CAMTA1: variants seen among roughly 807,000 people sequenced by gnomAD.
The protein encoded by CAMTA1 is calmodulin binding transcription activator 1, also known as calmodulin-binding transcription activator 1.
A neutral mutation model predicts 170.9 loss-of-function variants in CAMTA1; 27 were observed. The observed-to-expected ratio is 0.16, with a 90% CI of 0.12 to 0.22. The LOEUF is 0.22. CAMTA1 is among the 10% of genes least tolerant of loss of function. The pLI is 1.00. For synonymous variants in CAMTA1, 833 were observed against 891.5 expected, an observed-to-expected ratio of 0.93 and a Z score of 1.17; for missense variants, 1,619 against 2,217.2, an observed-to-expected ratio of 0.73 and a Z score of 5.42.
chr1:7,360,058 C>G (rs7547627), intron 5 of CAMTA1, among the ~76,000 whole-genome samples: 25,381 of 152,066 alleles, frequency 0.17, 2,874 homozygotes, highest in East Asian at 0.55. Context: ...ATCACCTTGT[C>G]CTCTGCCTTC....
At chr1:7,544,380 A>G (rs1464649562) in intron 6 of CAMTA1, among the ~76,000 whole-genome samples, 1 of 152,192 alleles carries the variant, frequency 6.6e-6, no homozygotes, top group Non-Finnish European at 1.5e-5. Context: ...ACAATTCAAG[A>G]TGAGATTTGG....
intron 3 of CAMTA1, among the ~76,000 whole-genome samples, chr1:7,000,827 G>C (rs1379041759): frequency 2.6e-5 from 4 of 152,160 alleles, no homozygotes; most frequent in Non-Finnish European, 5.9e-5. Flanking sequence ...TTGTTTCAGA[G>C]AGAGAGACTT....
chr1:7,205,979 T>C (rs996549768), intron 4 of CAMTA1, among the ~76,000 whole-genome samples: 3 of 152,244 alleles, frequency 2.0e-5, no homozygotes, highest in African/African-American at 7.2e-5. Context: ...TTTTCTCCAG[T>C]AATTTTAGAG....
In CAMTA1 at chr1:7,065,411, A is replaced by G. The variant is rs555404189; in HGVS notation, c.235-25893A>G. ...TGGCCAGCGGGAAGTTTTGTAGTGA[A>G]TATAGAGGAGACGAAAAAGAATGGG... On this transcript the variant is annotated intron_variant, in intron 3 of 22. Coordinates refer to ENST00000303635, the MANE Select transcript of CAMTA1 (RefSeq NM_015215.4). The surrounding 1 kb of genome is among the most constrained non-coding windows in gnomAD (Gnocchi z 5.2). Among the ~76,000 whole-genome samples, 1 of 152,268 alleles carries G rather than the reference A, an allele frequency of 6.6e-6. No homozygotes were observed. The highest frequency in any genetic ancestry group is 2.4e-5 in the African/African-American group (1 of 41,548).
At chr1:7,468,678 C>T (rs181089900) in intron 6 of CAMTA1, among the ~76,000 whole-genome samples, 2 of 152,348 alleles carry the variant, frequency 1.3e-5, no homozygotes, top group Admixed American at 6.5e-5. Flanking sequence ...ACCCATTCCC[C>T]ATGGCCTGCC....
chr1:6,931,549 TC>T (rs1284396687), intron 3 of CAMTA1, among the ~76,000 whole-genome samples: 2 of 152,190 alleles, frequency 1.3e-5, no homozygotes, highest in African/African-American at 4.8e-5. Flanking sequence ...TCCTTCTGCT[TC>T]CTTGTTGATC....
chr1:7,518,177 T>C (rs2149944194), intron 6 of CAMTA1, among the ~76,000 whole-genome samples: 1 of 152,058 alleles, frequency 6.6e-6, no homozygotes, highest in East Asian at 1.9e-4. Context: ...TCAGCAACTC[T>C]CAGGCTGCTT....
intron 6 of CAMTA1, among the ~76,000 whole-genome samples, chr1:7,479,895 A>G (rs897959462): frequency 3.3e-5 from 5 of 151,284 alleles, no homozygotes; most frequent in African/African-American, 1.2e-4. Context: ...CACCCCTAGA[A>G]GATATATGTG....
intron 6 of CAMTA1, among the ~76,000 whole-genome samples, chr1:7,504,197 A>G (rs1031422828): frequency 6.6e-6 from 1 of 152,176 alleles, no homozygotes; most frequent in Non-Finnish European, 1.5e-5. Context: ...GTCTGCAATC[A>G]GCCTCCCGGG....
intron 6 of CAMTA1, among the ~76,000 whole-genome samples, chr1:7,589,061 T>C (rs1416639133): frequency 6.6e-6 from 1 of 152,210 alleles, no homozygotes; most frequent in Non-Finnish European, 1.5e-5. Flanking sequence ...ATTCGTTTCC[T>C]CCGTGAGAAG....
intron 6 of CAMTA1, among the ~76,000 whole-genome samples, chr1:7,582,219 C>T (rs1304324304): frequency 1.3e-5 from 2 of 152,166 alleles, no homozygotes; most frequent in East Asian, 1.9e-4. Context: ...TGATAGCCCA[C>T]GTGGCGGTTG....
intron 6 of CAMTA1, among the ~76,000 whole-genome samples, chr1:7,555,796 G>A (rs1163393393): frequency 6.6e-6 from 1 of 152,064 alleles, no homozygotes; most frequent in Non-Finnish European, 1.5e-5. Context: ...TCCACCCCCA[G>A]GTCACCACTA....
chr1:7,244,832 T>C (rs1471791894), intron 4 of CAMTA1, among the ~76,000 whole-genome samples: 1 of 152,094 alleles, frequency 6.6e-6, no homozygotes, highest in Non-Finnish European at 1.5e-5. Flanking sequence ...ACATGGCACA[T>C]GTATACATAT....
intron 1 of CAMTA1, among the ~76,000 whole-genome samples, chr1:6,802,312 A>G (rs960439008): frequency 3.9e-5 from 6 of 152,142 alleles, no homozygotes; most frequent in African/African-American, 1.4e-4. Flanking sequence ...TCCCATTTCT[A>G]TGGCTCAGTA....
chr1:7,580,849 G>C lies in CAMTA1; in HGVS notation c.511-59551G>C, dbSNP rs2095254614. Among the ~76,000 whole-genome samples, 1 of 152,224 alleles carries C rather than the reference G, an allele frequency of 6.6e-6. No homozygotes were observed. Among genetic ancestry groups the C allele is most frequent in the Non-Finnish European group, 1.5e-5 (1 of 68,040 alleles). ...CAAGCCCATCCTTAGAGGGTTCAGA[G>C]TCATATGGTGTGAAACACCCTGTCC... On this transcript the variant is annotated intron_variant, in intron 6 of 22. Coordinates refer to ENST00000303635, the MANE Select transcript of CAMTA1 (RefSeq NM_015215.4). The surrounding 1 kb of genome is among the most constrained non-coding windows in gnomAD (Gnocchi z 4.3).
chr1:6,999,868 A>G lies in CAMTA1; in HGVS notation c.235-91436A>G, dbSNP rs146160639. On this transcript the variant is annotated intron_variant, in intron 3 of 22. Transcript: ENST00000303635. ...ACGTTGGTGATAAAATCTGGTCTTG[A>G]TCATTCCCTGATTTCAGTCTGCTTT... 2.1e-3 allele frequency among the ~76,000 whole-genome samples: 312 copies of G among 152,182 alleles called. 2 individuals are homozygous for G. The highest frequency in any genetic ancestry group is 5.9e-3 in the Admixed American group (90 of 15,286).
intron 5 of CAMTA1, among the ~76,000 whole-genome samples, chr1:7,460,541 T>C (rs1750837): frequency 0.49 from 73,748 of 151,546 alleles, 18,417 homozygotes; most frequent in African/African-American, 0.58. Flanking sequence ...TCCTTGGATG[T>C]CCAAGCTACG....
intron 6 of CAMTA1, among the ~76,000 whole-genome samples, chr1:7,483,380 C>T (rs949558565): frequency 4.6e-5 from 7 of 152,318 alleles, no homozygotes; most frequent in South Asian, 2.1e-4. Context: ...GAAGCCACCA[C>T]GGCCAGAGAC....
chr1:7,319,308 G>A (rs1162187495), intron 5 of CAMTA1, among the ~76,000 whole-genome samples: 1 of 152,148 alleles, frequency 6.6e-6, no homozygotes, highest in East Asian at 1.9e-4. Flanking sequence ...GGGGCCTGGT[G>A]GGAGGTGATT....
Sources: gnomAD v4.1 joint callset for allele counts (sites outside exome capture counted in the v4.1 genomes callset) on GRCh38, gnomAD v4.1.1 for gene constraint, Gnocchi (gnomAD v3.1) non-coding constraint, MANE v1.5 for transcripts, NCBI Gene and HGNC (gene_info 2026-07-23, HGNC 2026-07-21) for gene names.